The following CEP85L variants were observed in gnomAD, a reference collection of about 807,000 sequenced individuals.
CEP85L encodes centrosomal protein 85L.
In CEP85L, 60 loss-of-function variants were observed where a neutral mutation model predicts 100.3. The ratio of observed to expected loss-of-function variants is 0.60; its 90% CI spans 0.49 to 0.74. The LOEUF is 0.74. Ranked by LOEUF, CEP85L falls within the 30% of genes least tolerant of loss-of-function variation. CEP85L has a pLI of 0.00. For missense variants in CEP85L, 973 were observed against 936.2 expected, an observed-to-expected ratio of 1.04 and a Z score of -0.51; for synonymous variants, 319 against 322.7, an observed-to-expected ratio of 0.99 and a Z score of 0.12.
chr6:118,628,469 G>C (rs73528784), intron 2 of CEP85L, among the ~76,000 whole-genome samples: 1,688 of 151,900 alleles, frequency 0.011, 41 homozygotes, highest in African/African-American at 0.039. Flanking sequence ...TGAGCTTGAA[G>C]ATATGTCAAC....
chr6:118,603,460 A>G (rs1379011310), intron 2 of CEP85L, among the ~76,000 whole-genome samples: 10 of 152,254 alleles, frequency 6.6e-5, no homozygotes, highest in Non-Finnish European at 1.5e-4. Flanking sequence ...TACTGCACCT[A>G]TGCAAATAAC....
intron 1 of CEP85L, among the ~76,000 whole-genome samples, chr6:118,688,131 C>T (rs1006606857): frequency 5.9e-5 from 9 of 152,096 alleles, no homozygotes; most frequent in South Asian, 2.1e-4. Context: ...GAGCTCTGTG[C>T]GCAAGGACCC....
intron 1 of CEP85L, among the ~76,000 whole-genome samples, chr6:118,700,477 GTGA>G (rs1358381081): frequency 5.3e-5 from 8 of 152,230 alleles, no homozygotes; most frequent in Non-Finnish European, 1.0e-4. Flanking sequence ...TGAATTCTGT[GTGA>G]TCTATAGTTA....
At position 118,475,347 on chromosome 6, in the gene CEP85L, A is replaced by ATATCTT. The variant is rs1470175603; in HGVS notation, c.1914+4523_1914+4524insAAGATA. 2.0e-4 allele frequency among the ~76,000 whole-genome samples: 16 copies of ATATCTT among 79,020 alleles called. 4 individuals carry two copies. Among genetic ancestry groups the ATATCTT allele is most frequent in the African/African-American group, 2.5e-4 (5 of 19,824 alleles). 51.8% of individuals were successfully genotyped at this position (79,020 alleles called of 152,430 possible). A position where few individuals can be genotyped will look rare whatever the true frequency, so the allele number is the denominator to read the frequency against. Reference sequence around the variant, plus strand: ...AAAAGGTGGGTGAATTGTAGGTGACATTTTTTTTTTTTTTTTTTTTTTTTT... The same window carrying ATATCTT: ...AAAAGGTGGGTGAATTGTAGGTGACATATCTTTTTTTTTTTTTTTTTTTTTTTTTTT... On this transcript the variant is annotated intron_variant, in intron 10 of 12. Coordinates refer to ENST00000368491, the MANE Select transcript of CEP85L (RefSeq NM_001042475.3).
At chr6:118,486,354 A>C (rs1000950842) in intron 6 of CEP85L, among the ~76,000 whole-genome samples, 13 of 152,180 alleles carry the variant, frequency 8.5e-5, no homozygotes, top group African/African-American at 3.1e-4. Flanking sequence ...GGTATGACGC[A>C]ATACTGATAT....
At chr6:118,484,673 G>T (rs562615304) in intron 6 of CEP85L, among the ~76,000 whole-genome samples, 2 of 152,318 alleles carry the variant, frequency 1.3e-5, no homozygotes, top group Admixed American at 1.3e-4. Context: ...ATCTCTGAAG[G>T]AATGACTCCG....
chr6:118,590,489 C>A (rs1038846424), intron 2 of CEP85L, among the ~76,000 whole-genome samples: 8 of 152,136 alleles, frequency 5.3e-5, no homozygotes, highest in Admixed American at 4.6e-4. Context: ...CATCATAGCC[C>A]CCTGCATTTG....
chr6:118,658,434 G>C (rs1333315722), intron 1 of CEP85L, among the ~76,000 whole-genome samples: 3 of 152,028 alleles, frequency 2.0e-5, no homozygotes, highest in African/African-American at 7.2e-5. Flanking sequence ...ATATGGGAAG[G>C]CTTCTTTGTT....
rs561743941 is a variant in CEP85L at position 118,547,589 on chromosome 6, A to C, written c.1020+17940T>G. Among the ~76,000 whole-genome samples the C allele has an allele frequency of 5.1e-4, 78 of 152,232 alleles. No individual in the cohort carries two copies. In the Middle Eastern group the frequency reaches 0.014, roughly 27 times the overall value. On this transcript the variant is annotated intron_variant, in intron 3 of 12. Coordinates refer to ENST00000368491, the MANE Select transcript of CEP85L (RefSeq NM_001042475.3). The stretch of plus-strand genomic sequence containing the variant: ...TGTTTTTAAAAAATCTTAAATACTT[A>C]AAGTAGCATATTGCTATTTTGGGGG...
At chr6:118,623,117 G>A (rs1364458363) in intron 2 of CEP85L, among the ~76,000 whole-genome samples, 2 of 152,176 alleles carry the variant, frequency 1.3e-5, no homozygotes, top group African/African-American at 4.8e-5. Flanking sequence ...GAAAGTACCC[G>A]TAAGATGGCC....
intron 2 of CEP85L, among the ~76,000 whole-genome samples, chr6:118,600,318 T>C (rs1165366531): frequency 1.0e-5 from 1 of 95,812 alleles, no homozygotes; most frequent in African/African-American, 3.9e-5. Context: ...TGTGTGTGTG[T>C]GTGTGTGTGT....
intron 4 of CEP85L, among the ~76,000 whole-genome samples, chr6:118,521,872 C>G (rs1333361462): frequency 6.6e-6 from 1 of 151,952 alleles, no homozygotes; most frequent in Non-Finnish European, 1.5e-5. Context: ...TTGAATTATT[C>G]CTTAGTCTGA....
chr6:118,470,646 T>G lies in CEP85L; in HGVS notation c.1915-2A>C, dbSNP rs1304048178. 6.4e-7 allele frequency: 1 copy of G among 1,553,300 alleles called. No individual in the cohort carries two copies. Among genetic ancestry groups the G allele is most frequent in the Non-Finnish European group, 8.7e-7 (1 of 1,146,402 alleles). On this transcript the variant is annotated splice_acceptor_variant, in intron 10 of 12. Coordinates refer to ENST00000368491, the MANE Select transcript of CEP85L (RefSeq NM_001042475.3). LOFTEE classifies it high-confidence loss of function. ...TTTAGAAAGCTTTCCTTGCATAGAC[T>G]AGAATTTTTAAAAAAATTGGAAAGC...
intron 1 of CEP85L, chr6:118,647,056 T>C: frequency 2.0e-6 from 2 of 985,420 alleles, no homozygotes; most frequent in Non-Finnish European, 2.4e-6. Flanking sequence ...TGAAAGAACA[T>C]GTTCAGTTGG....
chr6:118,481,739 C>A, intron 8 of CEP85L, 40 bp downstream of exon 8: 2 of 1,161,918 alleles, frequency 1.7e-6, no homozygotes, highest in South Asian at 1.8e-5. Flanking sequence ...ATGAAAAATA[C>A]GAATAAAATA....
intron 2 of CEP85L, among the ~76,000 whole-genome samples, chr6:118,575,185 C>A (rs1780150311): frequency 6.6e-6 from 1 of 152,144 alleles, no homozygotes; most frequent in South Asian, 2.1e-4. Flanking sequence ...CCAGACAAGG[C>A]AGGGAATCAA....
At chr6:118,501,615 T>C (rs1235578923) in intron 5 of CEP85L, 4 of 609,570 alleles carry the variant, frequency 6.6e-6, no homozygotes, top group African/African-American at 5.6e-5. Context: ...ACTAATGCCA[T>C]GATTTACAAC....
At chr6:118,501,211 C>A (rs1345800557) in intron 5 of CEP85L, among the ~76,000 whole-genome samples, 1 of 152,254 alleles carries the variant, frequency 6.6e-6, no homozygotes. Flanking sequence ...GCTTCTCTGA[C>A]TTGTGCTCCT....
intron 1 of CEP85L, among the ~76,000 whole-genome samples, chr6:118,642,078 A>T (rs1343456792): frequency 6.6e-6 from 1 of 152,240 alleles, no homozygotes; most frequent in African/African-American, 2.4e-5. Flanking sequence ...GACACCCTGA[A>T]TTACATGATG....
Sources: allele counts gnomAD v4.1 joint callset (sites outside exome capture counted in the v4.1 genomes callset), GRCh38; gene constraint gnomAD v4.1.1; transcripts MANE v1.5; gene names NCBI Gene and HGNC (gene_info 2026-07-23, HGNC 2026-07-21).